The following CNTNAP2 variants were observed in gnomAD, a reference collection of about 807,000 sequenced individuals.
CNTNAP2 encodes the protein contactin-associated protein-like 2.
In CNTNAP2, 98 loss-of-function variants were observed where a neutral mutation model predicts 155.2. The observed-to-expected ratio is 0.63, with a 90% CI of 0.54 to 0.75. The LOEUF (loss-of-function observed/expected upper bound fraction) is 0.75, where lower values mean the gene tolerates loss of function less well. Among genes scored for constraint, CNTNAP2 ranks in the 30% least tolerant of loss-of-function variants. CNTNAP2 has a pLI of 0.00. For synonymous variants in CNTNAP2, 651 were observed against 631.2 expected, an observed-to-expected ratio of 1.03 and a Z score of -0.47; for missense variants, 1,727 against 1,688.1, an observed-to-expected ratio of 1.02 and a Z score of -0.40.
Position 147,575,511 on chromosome 7 carries a change from CTGTG to C in CNTNAP2, c.1897+13276_1897+13279del, listed in dbSNP as rs377290787. Among the ~76,000 whole-genome samples, 20 of 132,576 alleles carry C rather than the reference CTGTG, an allele frequency of 1.5e-4. 1 individual carries two copies. The highest frequency in any genetic ancestry group is 5.0e-4 in the South Asian group (2 of 3,994). The allele number at this position is 132,576 out of a possible 152,430, so 87.0% of individuals were successfully genotyped here. A position where few individuals can be genotyped will look rare whatever the true frequency, so the allele number is the denominator to read the frequency against. The stretch of plus-strand genomic sequence containing the variant: ...ATTCCCTAGCTTTAGGGGTATACAA[CTGTG>C]TGTGTGTGTGTGTGTGTGTGTATGT... On this transcript the variant is annotated intron_variant, in intron 12 of 23. Coordinates refer to ENST00000361727, the MANE Select transcript of CNTNAP2 (RefSeq NM_014141.6).
intron 9 of CNTNAP2, among the ~76,000 whole-genome samples, chr7:147,366,602 T>C (rs1422910197): frequency 2.6e-5 from 4 of 152,230 alleles, no homozygotes; most frequent in African/African-American, 9.6e-5. Flanking sequence ...ATATTCTTTA[T>C]TTTTAGTATA....
intron 14 of CNTNAP2, among the ~76,000 whole-genome samples, chr7:147,967,842 G>A (rs1240870129): frequency 6.6e-6 from 1 of 152,094 alleles, no homozygotes; most frequent in Non-Finnish European, 1.5e-5. Flanking sequence ...CCACGTTAAT[G>A]AGATATGGAT....
intron 13 of CNTNAP2, among the ~76,000 whole-genome samples, chr7:147,766,194 T>C (rs1797380799): frequency 6.6e-6 from 1 of 152,184 alleles, no homozygotes; most frequent in Non-Finnish European, 1.5e-5. Context: ...CTGTACACTT[T>C]AAATGAGTAT....
At chr7:147,285,477 A>G (rs1008337921) in intron 8 of CNTNAP2, among the ~76,000 whole-genome samples, 3 of 151,942 alleles carry the variant, frequency 2.0e-5, no homozygotes, top group African/African-American at 4.8e-5. Context: ...ATTTCTGACA[A>G]TTTTTCATTT....
chr7:148,026,750 A>G (rs1315562725), intron 15 of CNTNAP2, among the ~76,000 whole-genome samples: 8 of 152,184 alleles, frequency 5.3e-5, no homozygotes, highest in Non-Finnish European at 8.8e-5. Flanking sequence ...CATTCCAATA[A>G]AAGTTAGAAC....
At chr7:147,080,359 C>G (rs1430554779) in intron 4 of CNTNAP2, among the ~76,000 whole-genome samples, 2 of 152,118 alleles carry the variant, frequency 1.3e-5, no homozygotes, top group African/African-American at 4.8e-5. Context: ...GATTATACAT[C>G]TTACTCAACT....
At chr7:146,385,035 T>G (rs979517211) in intron 1 of CNTNAP2, among the ~76,000 whole-genome samples, 14 of 152,320 alleles carry the variant, frequency 9.2e-5, no homozygotes, top group African/African-American at 3.4e-4. Context: ...GTCACTAGAC[T>G]ATACATTGTC....
chr7:148,331,320 G>A (rs1259482919), intron 21 of CNTNAP2, among the ~76,000 whole-genome samples: 24 of 148,268 alleles, frequency 1.6e-4, no homozygotes, highest in Admixed American at 3.4e-4. Flanking sequence ...GTGGACGCAT[G>A]GAATGGACGG....
At chr7:147,362,714 C>T (rs1205759988) in intron 9 of CNTNAP2, among the ~76,000 whole-genome samples, 1 of 152,040 alleles carries the variant, frequency 6.6e-6, no homozygotes, top group Non-Finnish European at 1.5e-5. Flanking sequence ...TCAAAAACGT[C>T]ATAAAACGCA....
At chr7:148,380,331 T>C (rs1799026199) in intron 21 of CNTNAP2, among the ~76,000 whole-genome samples, 1 of 152,268 alleles carries the variant, frequency 6.6e-6, no homozygotes, top group South Asian at 2.1e-4. Context: ...CATTTGTAGA[T>C]GTTCTTAAGA....
At chr7:146,833,125 G>A (rs907333354) in intron 2 of CNTNAP2, among the ~76,000 whole-genome samples, 1 of 152,056 alleles carries the variant, frequency 6.6e-6, no homozygotes, top group African/African-American at 2.4e-5. Context: ...ATCTATAAAT[G>A]TTTTATTTTT....
intron 9 of CNTNAP2, among the ~76,000 whole-genome samples, chr7:147,353,985 T>G (rs1360784045): frequency 1.5e-4 from 7 of 46,852 alleles, no homozygotes; most frequent in African/African-American, 7.5e-4. Flanking sequence ...TTTTGATGTT[T>G]TTTTTTTTCT....
chr7:146,713,817 C>T (rs1035089782), intron 1 of CNTNAP2, among the ~76,000 whole-genome samples: 9 of 152,092 alleles, frequency 5.9e-5, no homozygotes, highest in East Asian at 1.9e-4. Context: ...AGCCACTTGT[C>T]GTATGGCATG....
intron 3 of CNTNAP2, among the ~76,000 whole-genome samples, chr7:146,946,831 C>T (rs549488189): frequency 7.9e-5 from 12 of 151,818 alleles, no homozygotes; most frequent in African/African-American, 2.7e-4. Flanking sequence ...ACTGCAATTA[C>T]TTTTTCACTC....
At chr7:148,405,521 A>AGGTTCAAGC (rs1799680838) in intron 22 of CNTNAP2, among the ~76,000 whole-genome samples, 1 of 122,838 alleles carries the variant, frequency 8.1e-6, no homozygotes. Context: ...TCCGCCTCCC[A>AGGTTCAAGC]GGTTCAAGCG....
chr7:147,952,510 G>A (rs1273611096), intron 14 of CNTNAP2, among the ~76,000 whole-genome samples: 2 of 151,696 alleles, frequency 1.3e-5, no homozygotes, highest in African/African-American at 4.8e-5. Flanking sequence ...TAGTATTTTG[G>A]CACATTAAAT....
At chr7:146,443,560 A>G (rs904985971) in intron 1 of CNTNAP2, among the ~76,000 whole-genome samples, 4 of 152,204 alleles carry the variant, frequency 2.6e-5, no homozygotes, top group African/African-American at 9.6e-5. Flanking sequence ...TTTGTGTTAA[A>G]TAATTTAATC....
At chr7:146,370,842 A>T (rs1584893493) in intron 1 of CNTNAP2, among the ~76,000 whole-genome samples, 1 of 152,254 alleles carries the variant, frequency 6.6e-6, no homozygotes, top group East Asian at 1.9e-4. Flanking sequence ...CTTATCCAAA[A>T]CGTGCAAAAG....
At chr7:147,002,539 C>T (rs1221793582) in intron 3 of CNTNAP2, among the ~76,000 whole-genome samples, 1 of 151,954 alleles carries the variant, frequency 6.6e-6, no homozygotes, top group Non-Finnish European at 1.5e-5. Context: ...ACGAAATTTA[C>T]CCCCTTTACT....
Sources: gnomAD v4.1 joint callset for allele counts (sites outside exome capture counted in the v4.1 genomes callset) on GRCh38, gnomAD v4.1.1 for gene constraint, MANE v1.5 for transcripts, NCBI Gene and HGNC (gene_info 2026-07-23, HGNC 2026-07-21) for gene names.